FBXL7: variants seen among roughly 807,000 people sequenced by gnomAD.
FBXL7 encodes the protein F-box/LRR-repeat protein 7.
In FBXL7, 12 loss-of-function variants were observed where a neutral mutation model predicts 38.3. The ratio of observed to expected loss-of-function variants is 0.31; its 90% CI spans 0.20 to 0.51. The LOEUF (loss-of-function observed/expected upper bound fraction) is 0.51. FBXL7 is among the 20% of genes least tolerant of loss of function. FBXL7 has a pLI of 0.98. For synonymous variants in FBXL7, 297 were observed against 300.9 expected, an observed-to-expected ratio of 0.99 and a Z score of 0.13; for missense variants, 567 against 676.4, an observed-to-expected ratio of 0.84 and a Z score of 1.79.
chr5:15,841,084 T>G (rs541291830), intron 2 of FBXL7, among the ~76,000 whole-genome samples: 4 of 152,264 alleles, frequency 2.6e-5, no homozygotes, highest in African/African-American at 9.6e-5. Context: ...CCTTGAAATT[T>G]TTTTGTGTAG....
At chr5:15,658,101 C>G (rs530063964) in intron 2 of FBXL7, among the ~76,000 whole-genome samples, 4 of 152,140 alleles carry the variant, frequency 2.6e-5, no homozygotes, top group African/African-American at 9.6e-5. Flanking sequence ...AAGCATACAG[C>G]TGTGGGAATC....
chr5:15,714,158 T>C (rs1743966367), intron 2 of FBXL7, among the ~76,000 whole-genome samples: 1 of 152,148 alleles, frequency 6.6e-6, no homozygotes, highest in Non-Finnish European at 1.5e-5. Context: ...TAATCCCCAG[T>C]GTTAGAGGAG....
intron 2 of FBXL7, among the ~76,000 whole-genome samples, chr5:15,805,316 T>G (rs1737680001): frequency 6.6e-6 from 1 of 152,172 alleles, no homozygotes. Flanking sequence ...TTCCACAATA[T>G]GACTTGCTCT....
intron 1 of FBXL7, among the ~76,000 whole-genome samples, chr5:15,506,279 C>T (rs1462341488): frequency 6.6e-6 from 1 of 151,964 alleles, no homozygotes; most frequent in East Asian, 1.9e-4. Context: ...ACAGTCAATT[C>T]GATCACCGAG....
intron 2 of FBXL7, among the ~76,000 whole-genome samples, chr5:15,831,978 G>T (rs948613205): frequency 6.6e-6 from 1 of 152,044 alleles, no homozygotes; most frequent in Non-Finnish European, 1.5e-5. Flanking sequence ...GGCCTTCAGG[G>T]TAAGAAAGCA....
chr5:15,577,260 C>T (rs6895002), intron 1 of FBXL7, among the ~76,000 whole-genome samples: 78,982 of 151,848 alleles, frequency 0.52, 21,006 homozygotes, highest in African/African-American at 0.61. Flanking sequence ...TCCACGTCCT[C>T]GTGGCGTTAA....
chr5:15,842,142 C>T (rs1738766043), intron 2 of FBXL7, among the ~76,000 whole-genome samples: 1 of 152,200 alleles, frequency 6.6e-6, no homozygotes, highest in Non-Finnish European at 1.5e-5. Context: ...TCAGTGAAAG[C>T]AGCTGGGAGG....
At chr5:15,554,403 A>G (rs566214432) in intron 1 of FBXL7, among the ~76,000 whole-genome samples, 1 of 152,194 alleles carries the variant, frequency 6.6e-6, no homozygotes, top group Non-Finnish European at 1.5e-5. Context: ...GTAACTACCA[A>G]CTGTAAACAC....
At chr5:15,871,834 G>A (rs1330910915) in intron 2 of FBXL7, among the ~76,000 whole-genome samples, 2 of 152,180 alleles carry the variant, frequency 1.3e-5, no homozygotes, top group Non-Finnish European at 2.9e-5. Context: ...AAGTGATGGG[G>A]AGAATGGAAC....
chr5:15,635,175 A>C (rs1226963904), intron 2 of FBXL7, among the ~76,000 whole-genome samples: 3 of 152,152 alleles, frequency 2.0e-5, no homozygotes, highest in Admixed American at 6.5e-5. Flanking sequence ...TTGTGGCATG[A>C]CTGAGGTCAC....
intron 2 of FBXL7, among the ~76,000 whole-genome samples, chr5:15,711,167 GTGAATTGCCCAGTCTC>G (rs1169930992): frequency 6.6e-6 from 1 of 152,106 alleles, no homozygotes; most frequent in Non-Finnish European, 1.5e-5. Flanking sequence ...AACTTATTTT[GTGAATTGCCCAGTCTC>G]TGGTATGTCT....
chr5:15,515,991 A>G (rs187923256), intron 1 of FBXL7, among the ~76,000 whole-genome samples: 1 of 152,302 alleles, frequency 6.6e-6, no homozygotes, highest in African/African-American at 2.4e-5. Flanking sequence ...CAGGTTTTAT[A>G]TAGTTTCCCT....
At chr5:15,753,195 T>TC (rs1238847244) in intron 2 of FBXL7, among the ~76,000 whole-genome samples, 2 of 152,100 alleles carry the variant, frequency 1.3e-5, no homozygotes, top group Non-Finnish European at 2.9e-5. Context: ...TTTCCCCGTA[T>TC]AGTGCTTGTG....
chr5:15,865,498 C>G (rs1739667934), intron 2 of FBXL7, among the ~76,000 whole-genome samples: 1 of 152,140 alleles, frequency 6.6e-6, no homozygotes, highest in Admixed American at 6.5e-5. Flanking sequence ...AATTCCTGCA[C>G]TGCATAATGC....
In FBXL7 at chr5:15,539,186, A is replaced by G. The variant is rs112832324; in HGVS notation, c.37+38473A>G. On this transcript the variant is annotated intron_variant, in intron 1 of 3. Coordinates refer to ENST00000504595, the MANE Select transcript of FBXL7 (RefSeq NM_012304.5). ...ATGGCAATAAAAATGCAACAGTACCATCTCATTATGCCCAACAGCAAATGA... is the reference window on the plus strand; with the variant it reads ...ATGGCAATAAAAATGCAACAGTACCGTCTCATTATGCCCAACAGCAAATGA... 7.0e-3 allele frequency among the ~76,000 whole-genome samples: 1,062 copies of G among 152,300 alleles called. 9 individuals carry two copies. Among genetic ancestry groups the G allele is most frequent in the Middle Eastern group, 0.034 (10 of 294 alleles).
intron 2 of FBXL7, among the ~76,000 whole-genome samples, chr5:15,742,316 C>G (rs1455396028): frequency 3.3e-5 from 5 of 152,146 alleles, no homozygotes; most frequent in African/African-American, 9.7e-5. Context: ...AAACACATCT[C>G]TAACAAGGAG....
intron 2 of FBXL7, among the ~76,000 whole-genome samples, chr5:15,629,654 C>T (rs967086159): frequency 1.3e-5 from 2 of 152,114 alleles, no homozygotes; most frequent in African/African-American, 2.4e-5. Flanking sequence ...TGCGATGCCT[C>T]AATGGTATCA....
intron 2 of FBXL7, among the ~76,000 whole-genome samples, chr5:15,713,176 T>C (rs1163544608): frequency 6.6e-6 from 1 of 152,166 alleles, no homozygotes; most frequent in African/African-American, 2.4e-5. Context: ...CTCACAATCA[T>C]GGCAGAAGGT....
chr5:15,760,186 C>G (rs1736400906), intron 2 of FBXL7, among the ~76,000 whole-genome samples: 1 of 152,012 alleles, frequency 6.6e-6, no homozygotes, highest in Non-Finnish European at 1.5e-5. Flanking sequence ...GTCAGCTGTT[C>G]TCTCTAAATT....
Sources: allele counts gnomAD v4.1 joint callset (sites outside exome capture counted in the v4.1 genomes callset), GRCh38; gene constraint gnomAD v4.1.1; transcripts MANE v1.5; gene names NCBI Gene and HGNC (gene_info 2026-07-23, HGNC 2026-07-21).